Variants in GALNT14 observed in about 807,000 individuals in gnomAD.
GALNT14 encodes UDP-GalNAc:polypeptide N-acetylgalactosaminyltransferase 14.
A neutral mutation model predicts 77.5 loss-of-function variants in GALNT14; 60 were observed. The ratio of observed to expected loss-of-function variants is 0.77; its 90% CI spans 0.63 to 0.96. The LOEUF is 0.96. Among genes scored for constraint, GALNT14 ranks in the 40% least tolerant of loss-of-function variants. The pLI, the probability that GALNT14 is intolerant of heterozygous loss-of-function variation, is 0.00. For synonymous variants in GALNT14, 280 were observed against 281.7 expected (o/e 0.99, Z 0.06); for missense variants, 710 against 731.0 (o/e 0.97, Z 0.33).
At chr2:31,107,829 CT>C (rs147851786) in intron 1 of GALNT14, among the ~76,000 whole-genome samples, 2,075 of 152,272 alleles carry the variant, frequency 0.014, 38 homozygotes, top group African/African-American at 0.047. Context: ...TTCCATGGTG[CT>C]GATGATTTCA....
chr2:31,124,921 G>A (rs950331669), intron 1 of GALNT14, among the ~76,000 whole-genome samples: 7 of 149,712 alleles, frequency 4.7e-5, no homozygotes, highest in African/African-American at 1.5e-4. Context: ...GGCCAATAAC[G>A]GAGGCCACAA....
chr2:30,936,971 G>A (rs537312147), intron 9 of GALNT14, among the ~76,000 whole-genome samples: 9 of 152,308 alleles, frequency 5.9e-5, no homozygotes, highest in Admixed American at 1.3e-4. Context: ...AGGAAAGGAC[G>A]GCCTCAGGGG....
At chr2:30,908,632 C>T (rs1464526116), downstream of GALNT14, among the ~76,000 whole-genome samples, 1 of 122,526 alleles carries the variant, frequency 8.2e-6, no homozygotes, top group Non-Finnish European at 1.7e-5. Flanking sequence ...GGCCATACTG[C>T]CCAAGGTAAT....
At chr2:30,899,408 T>G in the GALNT14 span, among the ~76,000 whole-genome samples, 4 of 152,214 alleles carry the variant, frequency 2.6e-5, no homozygotes, top group Non-Finnish European at 5.9e-5. Context: ...CGCTCCTTGC[T>G]GCATCTGGAC....
At chr2:30,925,313 T>A (rs547436580) in intron 11 of GALNT14, among the ~76,000 whole-genome samples, 1 of 152,348 alleles carries the variant, frequency 6.6e-6, no homozygotes, top group East Asian at 1.9e-4. Flanking sequence ...ACCTACTATG[T>A]GTCAGGCATT....
At chr2:31,073,844 G>A (rs575230562) in intron 1 of GALNT14, among the ~76,000 whole-genome samples, 7 of 152,162 alleles carry the variant, frequency 4.6e-5, no homozygotes, top group Admixed American at 1.3e-4. Flanking sequence ...AAAGGACACC[G>A]TTACAGACCG....
intron 1 of GALNT14, among the ~76,000 whole-genome samples, chr2:30,997,085 T>C (rs1262733314): frequency 1.3e-5 from 2 of 152,204 alleles, no homozygotes; most frequent in Admixed American, 6.5e-5. Flanking sequence ...AGGACCAGTT[T>C]AGAGAGGTTA....
chr2:30,958,424 T>C lies in GALNT14; in HGVS notation c.439A>G (p.Ile147Val), dbSNP rs766149413. 4 of 1,614,058 alleles carry C rather than the reference T, an allele frequency of 2.5e-6. No homozygotes were observed. The highest frequency in any genetic ancestry group is 2.2e-5 in the East Asian group (1 of 44,874). The stretch of plus-strand genomic sequence containing the variant: ...TCATTGCTGAAGTCATCCACTAATA[T>C]GATTTCCCGGATCAGATGCGTAGGG... The part of the protein sequence containing the change: ...RTPTHLIREI[I>V]LVDDFSNDPD... The change falls in exon 4 of 15, where the codon ATA becomes GTA. Residue 147 changes from isoleucine to valine, a missense_variant. Transcript: ENST00000349752.
chr2:31,016,987 C>T (rs1671407900), intron 1 of GALNT14, among the ~76,000 whole-genome samples: 1 of 152,238 alleles, frequency 6.6e-6, no homozygotes. Context: ...ACATTATTCA[C>T]TGAATCCTCA....
the GALNT14 span, among the ~76,000 whole-genome samples, chr2:30,895,375 A>T: frequency 3.9e-5 from 6 of 152,130 alleles, no homozygotes; most frequent in Non-Finnish European, 8.8e-5. Flanking sequence ...GGAGACACAA[A>T]GTGTTCCACA....
intron 11 of GALNT14, among the ~76,000 whole-genome samples, chr2:30,925,643 T>C (rs79214795): frequency 0.014 from 2,136 of 152,154 alleles, 45 homozygotes; most frequent in African/African-American, 0.048. Context: ...AAAATAGATG[T>C]GTATGTGAAT....
chr2:31,080,971 G>C (rs1015314434), intron 1 of GALNT14, among the ~76,000 whole-genome samples: 3 of 152,152 alleles, frequency 2.0e-5, no homozygotes, highest in African/African-American at 7.2e-5. Context: ...AAAGGATGGA[G>C]GTAAAATCAT....
intron 1 of GALNT14, among the ~76,000 whole-genome samples, chr2:31,081,729 T>C (rs1676166478): frequency 6.6e-6 from 1 of 152,202 alleles, no homozygotes; most frequent in Non-Finnish European, 1.5e-5. Context: ...AAATGCATGG[T>C]ATGTAACTTC....
At chr2:30,902,511 G>T in the GALNT14 span, among the ~76,000 whole-genome samples, 1 of 152,020 alleles carries the variant, frequency 6.6e-6, no homozygotes, top group African/African-American at 2.4e-5. Context: ...AGGCCAGGGG[G>T]ACAACTAAGC....
intron 1 of GALNT14, among the ~76,000 whole-genome samples, chr2:31,024,379 A>AAAGGCCCCACC (rs937044481): frequency 1.3e-5 from 2 of 152,080 alleles, no homozygotes; most frequent in African/African-American, 4.8e-5. Context: ...ACGGTGGCAC[A>AAAGGCCCCACC]AAGGCCCCAC....
intron 2 of GALNT14, among the ~76,000 whole-genome samples, chr2:30,970,714 A>G (rs141316433): frequency 3.9e-5 from 6 of 152,164 alleles, no homozygotes; most frequent in African/African-American, 1.4e-4. Flanking sequence ...CAGAGTAAAG[A>G]ACAGGGCTGT....
chr2:30,945,581 C>G (rs757414594), intron 7 of GALNT14, among the ~76,000 whole-genome samples: 1 of 152,176 alleles, frequency 6.6e-6, no homozygotes, highest in Non-Finnish European at 1.5e-5. Flanking sequence ...GCTCTGGGTG[C>G]TGGGAGCATC....
At chr2:30,995,313 C>T (rs953144790) in intron 1 of GALNT14, among the ~76,000 whole-genome samples, 7 of 152,094 alleles carry the variant, frequency 4.6e-5, no homozygotes, top group African/African-American at 1.7e-4. Context: ...TGTTTAGATA[C>T]ACACATACTT....
intron 1 of GALNT14, among the ~76,000 whole-genome samples, chr2:31,064,462 G>A (rs1406600591): frequency 6.6e-6 from 1 of 152,088 alleles, no homozygotes; most frequent in Non-Finnish European, 1.5e-5. Flanking sequence ...GAAAACCAAA[G>A]GAACTCCACT....
Sources: gnomAD v4.1 joint callset for allele counts (sites outside exome capture counted in the v4.1 genomes callset) on GRCh38, gnomAD v4.1.1 for gene constraint, MANE v1.5 for transcripts, NCBI Gene and HGNC (gene_info 2026-07-23, HGNC 2026-07-21) for gene names.